The following CEMIP variants were observed in gnomAD, a reference collection of about 807,000 sequenced individuals.
CEMIP encodes cell migration-inducing and hyaluronan-binding protein.
CEMIP carries 105 observed loss-of-function variants against 156.9 expected under a neutral mutation model. That is an observed-to-expected ratio of 0.67 (90% CI 0.57 to 0.79). The LOEUF (loss-of-function observed/expected upper bound fraction) is 0.79. Among genes scored for constraint, CEMIP ranks in the 30% least tolerant of loss-of-function variants. The pLI is 0.00. For missense variants in CEMIP, 1,457 were observed against 1,769.4 expected, an observed-to-expected ratio of 0.82 and a Z score of 3.17; for synonymous variants, 676 against 668.4, an observed-to-expected ratio of 1.01 and a Z score of -0.17.
In CEMIP at chr15:80,900,638, G is replaced by GTGTGTGTGTC. The variant is rs1567090935; in HGVS notation, c.1411+4587_1411+4588insCTGTGTGTGT. 9.3e-3 allele frequency among the ~76,000 whole-genome samples: 944 copies of GTGTGTGTGTC among 101,334 alleles called. 2 individuals are homozygous for GTGTGTGTGTC. The highest frequency in any genetic ancestry group is 0.014 in the Admixed American group (125 of 8,684). The allele number at this position is 101,334 out of a possible 152,430, so 66.5% of individuals were successfully genotyped here. On this transcript the variant is annotated intron_variant, in intron 12 of 29. Coordinates refer to ENST00000394685, the MANE Select transcript of CEMIP (RefSeq NM_001293298.2). ...TGTGTGTGTGTGTGTGTGTGTGTGT[G>GTGTGTGTGTC]TGTGTGTGTGTCTGTGTGTGTGTCT...
chr15:80,797,505 G>A (rs1567050754), intron 1 of CEMIP, among the ~76,000 whole-genome samples: 1 of 152,208 alleles, frequency 6.6e-6, no homozygotes. Flanking sequence ...CCAACATCCA[G>A]TCCCTCTTTT....
chr15:80,894,164 C>T (rs992848212), intron 10 of CEMIP, among the ~76,000 whole-genome samples: 3 of 152,192 alleles, frequency 2.0e-5, no homozygotes, highest in Admixed American at 1.3e-4. Flanking sequence ...GCTCCTTGCC[C>T]ACCCAGAGCC....
intron 1 of CEMIP, among the ~76,000 whole-genome samples, chr15:80,820,379 T>C (rs12324416): frequency 0.23 from 35,200 of 152,148 alleles, 4,365 homozygotes; most frequent in East Asian, 0.4. Flanking sequence ...ACTGGTAGCA[T>C]AGTGTATCCT....
chr15:80,873,748 C>G (rs1898372251), intron 2 of CEMIP, 52 bp downstream of exon 2: 4 of 740,012 alleles, frequency 5.4e-6, no homozygotes, highest in Admixed American at 4.1e-5. Context: ...CATTCTGTCA[C>G]TGCCTGTCCC....
chr15:80,923,951 C>T (rs191233721), intron 17 of CEMIP, among the ~76,000 whole-genome samples: 49 of 152,274 alleles, frequency 3.2e-4, no homozygotes, highest in Admixed American at 2.2e-3. Flanking sequence ...GAGAATGAAA[C>T]GGCCACAGTG....
At chr15:80,857,374 C>T (rs982029378) in intron 1 of CEMIP, among the ~76,000 whole-genome samples, 1 of 152,236 alleles carries the variant, frequency 6.6e-6, no homozygotes, top group Non-Finnish European at 1.5e-5. Flanking sequence ...TCAGGGCTCT[C>T]ATGTAAGCCC....
At position 80,878,901 on chromosome 15, in the gene CEMIP, C is replaced by T. The variant is rs781521378; in HGVS notation, c.241+34C>T. 6 of 1,613,462 alleles carry T rather than the reference C, an allele frequency of 3.7e-6. No homozygotes were observed. The Admixed American group carries it at 1.0e-4, about 27-fold the overall frequency. On this transcript the variant is annotated intron_variant, in intron 4 of 29. Transcript: ENST00000394685. The stretch of plus-strand genomic sequence containing the variant: ...ATCTCTCTCTGCTGCTCCCTCTTCC[C>T]TCCACTGCCCCAGAGCTTAGCAGAT...
intron 13 of CEMIP, among the ~76,000 whole-genome samples, chr15:80,908,302 A>G (rs1256122428): frequency 6.6e-6 from 1 of 152,208 alleles, no homozygotes; most frequent in Non-Finnish European, 1.5e-5. Context: ...AGCCCTCAGA[A>G]TCATTCTCAA....
chr15:80,898,541 TAGTGAG>T (rs1899326655), intron 12 of CEMIP, among the ~76,000 whole-genome samples: 1 of 152,200 alleles, frequency 6.6e-6, no homozygotes, highest in Non-Finnish European at 1.5e-5. Flanking sequence ...GAGGGTGTTG[TAGTGAG>T]AGGGAAACAA....
At chr15:80,864,427 G>C (rs1231376614) in intron 1 of CEMIP, among the ~76,000 whole-genome samples, 1 of 152,204 alleles carries the variant, frequency 6.6e-6, no homozygotes, top group East Asian at 1.9e-4. Flanking sequence ...AGCCCATGTA[G>C]TAAGCCAGGC....
chr15:80,951,717 G>A lies in CEMIP; in HGVS notation c.*2793G>A, dbSNP rs1421298898. 1 of 153,044 alleles carries A rather than the reference G, an allele frequency of 6.5e-6. No individual in the cohort carries two copies. Among genetic ancestry groups the A allele is most frequent in the African/African-American group, 2.4e-5 (1 of 41,432 alleles). 9.5% of individuals were successfully genotyped at this position (153,044 alleles called of 1,614,324 possible). Reference sequence around the variant, plus strand: ...GGGTGTACCTAGAGCCAAGGAAATTGGCTCTGGTTTGGAAAAATTTTGCTG... The same window carrying A: ...GGGTGTACCTAGAGCCAAGGAAATTAGCTCTGGTTTGGAAAAATTTTGCTG... On this transcript the variant is annotated 3_prime_UTR_variant, in exon 30 of 30. Coordinates refer to ENST00000394685, the MANE Select transcript of CEMIP (RefSeq NM_001293298.2).
chr15:80,831,665 GC>G (rs1786883536), intron 1 of CEMIP, among the ~76,000 whole-genome samples: 2 of 152,210 alleles, frequency 1.3e-5, no homozygotes, highest in South Asian at 4.1e-4. Context: ...TGACTCCAAA[GC>G]CCCGGCTGGA....
intron 1 of CEMIP, among the ~76,000 whole-genome samples, chr15:80,804,251 T>C (rs1412017135): frequency 6.6e-6 from 1 of 152,238 alleles, no homozygotes; most frequent in Non-Finnish European, 1.5e-5. Context: ...CCAAGATCTC[T>C]TTTCAGCTCT....
chr15:80,832,322 C>CTCTCTGTGTGTGTGTGTGTGTG (rs1555429057), intron 1 of CEMIP, among the ~76,000 whole-genome samples: 1 of 127,996 alleles, frequency 7.8e-6, no homozygotes, highest in African/African-American at 3.0e-5. Flanking sequence ...AAAATAAACT[C>CTCTCTGTGTGTGTGTGTGTGTG]TGTGTGTGTG....
In CEMIP at chr15:80,943,103, G is replaced by C. The variant is rs1567113012; in HGVS notation, c.3857+1G>C. Reference sequence around the variant, plus strand: ...ACTATGTGGCGACCATCCCTGACAAGTGAGTCTGTACCTCTGCTTCTGGAA... The same window carrying C: ...ACTATGTGGCGACCATCCCTGACAACTGAGTCTGTACCTCTGCTTCTGGAA... On this transcript the variant is annotated splice_donor_variant, in intron 28 of 29. Transcript: ENST00000394685. LOFTEE classifies it high-confidence loss of function. 5 of 1,614,210 alleles carry C rather than the reference G, an allele frequency of 3.1e-6. No individual in the cohort carries two copies. Among genetic ancestry groups the C allele is most frequent in the Admixed American group, 1.7e-5 (1 of 60,024 alleles).
intron 12 of CEMIP, among the ~76,000 whole-genome samples, chr15:80,904,939 C>T (rs1412291870): frequency 3.3e-5 from 5 of 152,142 alleles, no homozygotes; most frequent in South Asian, 2.1e-4. Flanking sequence ...ATTTGCCCTG[C>T]GTCAATTTCA....
chr15:80,793,709 A>G (rs1021144578), intron 1 of CEMIP, among the ~76,000 whole-genome samples: 4 of 152,210 alleles, frequency 2.6e-5, no homozygotes, highest in African/African-American at 9.7e-5. Context: ...AGCATGCACC[A>G]TGTCTCTCAG....
At chr15:80,890,876 T>C (rs915036957) in intron 10 of CEMIP, among the ~76,000 whole-genome samples, 1 of 152,188 alleles carries the variant, frequency 6.6e-6, no homozygotes, top group South Asian at 2.1e-4. Context: ...AACTTTCTCA[T>C]TATTTGGCTG....
At chr15:80,900,774 G>A (rs1899496374) in intron 12 of CEMIP, 1 of 344,416 alleles carries the variant, frequency 2.9e-6, no homozygotes, top group Non-Finnish European at 5.7e-6. Context: ...TCTCCCTGTT[G>A]ACAGGATCAA....
Sources: allele counts gnomAD v4.1 joint callset (sites outside exome capture counted in the v4.1 genomes callset), GRCh38; gene constraint gnomAD v4.1.1; transcripts MANE v1.5; gene names NCBI Gene and HGNC (gene_info 2026-07-23, HGNC 2026-07-21).